DENND4A: variants seen among roughly 807,000 people sequenced by gnomAD.
DENND4A encodes the protein C-myc promoter-binding protein.
In DENND4A, 70 loss-of-function variants were observed where a neutral mutation model predicts 199.3. The observed-to-expected ratio is 0.35, with a 90% CI of 0.29 to 0.43. The LOEUF (loss-of-function observed/expected upper bound fraction) is 0.43, where lower values mean the gene tolerates loss of function less well. Among genes scored for constraint, DENND4A ranks in the 20% least tolerant of loss-of-function variants. DENND4A has a pLI of 1.00. For missense variants in DENND4A, 1,723 were observed against 2,255.8 expected, an observed-to-expected ratio of 0.76 and a Z score of 4.78; for synonymous variants, 686 against 766.9, an observed-to-expected ratio of 0.89 and a Z score of 1.74.
At chr15:65,700,275 T>C (rs2074819455) in intron 20 of DENND4A, among the ~76,000 whole-genome samples, 1 of 152,084 alleles carries the variant, frequency 6.6e-6, no homozygotes, top group Admixed American at 6.5e-5. Context: ...AACAGATCTA[T>C]GTCTACGCAG....
At chr15:65,688,468 TC>T (rs1487119022) in intron 23 of DENND4A, among the ~76,000 whole-genome samples, 26 of 152,258 alleles carry the variant, frequency 1.7e-4, no homozygotes, top group Admixed American at 1.6e-3. Flanking sequence ...TTATAATACT[TC>T]CGAGATTGTT....
At chr15:65,702,775 T>C (rs2074920289) in intron 16 of DENND4A, 98 bp downstream of exon 16, 3 of 1,164,994 alleles carry the variant, frequency 2.6e-6, no homozygotes, top group Non-Finnish European at 2.5e-6. Context: ...AATCTAGTAA[T>C]AGTTATATAT....
intron 1 of DENND4A, among the ~76,000 whole-genome samples, chr15:65,773,693 C>T (rs1474645603): frequency 2.0e-5 from 3 of 152,142 alleles, no homozygotes; most frequent in African/African-American, 7.2e-5. Context: ...ATAACAGTGA[C>T]AAAAGGAAGA....
intron 14 of DENND4A, chr15:65,715,233 T>G (rs2075363516): frequency 3.1e-6 from 1 of 322,296 alleles, no homozygotes; most frequent in South Asian, 4.5e-5. Context: ...CAGGGAGGGT[T>G]AGGACTTGAT....
At chr15:65,670,625 T>G (rs1399264858) in intron 25 of DENND4A, among the ~76,000 whole-genome samples, 1 of 152,226 alleles carries the variant, frequency 6.6e-6, no homozygotes, top group African/African-American at 2.4e-5. Flanking sequence ...TTTAAAGTAC[T>G]GTGATATTGC....
rs374448994 is a variant in DENND4A, at chr15:65,716,852, A to G, written c.1807+926T>C. On this transcript the variant is annotated intron_variant, in intron 13 of 32. Coordinates refer to ENST00000443035, the MANE Select transcript of DENND4A (RefSeq NM_001320835.1). ...TTCCACAATGGTTGAACTAGTTTAC[A>G]GTCCCACCAACAGTGTAAAAGTGTT... is the stretch of plus-strand genomic sequence containing the variant. Among the ~76,000 whole-genome samples the G allele has an allele frequency of 7.1e-4, 108 of 152,176 alleles. 3 individuals carry two copies. In the East Asian group the frequency reaches 0.018, roughly 26 times the overall value.
At chr15:65,682,857 G>T (rs1178772951) in intron 23 of DENND4A, among the ~76,000 whole-genome samples, 2 of 152,178 alleles carry the variant, frequency 1.3e-5, no homozygotes, top group African/African-American at 4.8e-5. Context: ...TGAGGAGAGG[G>T]AGAGAGTCAG....
At position 65,705,051 on chromosome 15, in the gene DENND4A, C is replaced by A. The variant is rs376601497; in HGVS notation, c.2087+1040G>T. Among the ~76,000 whole-genome samples, 5 of 151,922 alleles carry A rather than the reference C, an allele frequency of 3.3e-5. No homozygotes were observed. In the East Asian group the frequency reaches 9.6e-4, roughly 29 times the overall value. On this transcript the variant is annotated intron_variant, in intron 15 of 32. Transcript: ENST00000443035. ...AAAAATGAGAACTTGTTTAGAAAGACAAAGAGAGGAAGAGAGAAATTAAGA... is the reference window on the plus strand; with the variant it reads ...AAAAATGAGAACTTGTTTAGAAAGAAAAAGAGAGGAAGAGAGAAATTAAGA...
intron 32 of DENND4A, among the ~76,000 whole-genome samples, chr15:65,663,204 T>TA (rs1292965864): frequency 3.5e-5 from 5 of 143,994 alleles, no homozygotes; most frequent in African/African-American, 1.0e-4. Flanking sequence ...ATATATTTTT[T>TA]TTTTTTTATT....
chr15:65,776,692 C>T (rs998163168), intron 1 of DENND4A, among the ~76,000 whole-genome samples: 3 of 152,172 alleles, frequency 2.0e-5, no homozygotes, highest in Non-Finnish European at 4.4e-5. Flanking sequence ...GAGATACCTG[C>T]CTCAGACTCA....
chr15:65,752,013 G>A (rs2076575042), intron 4 of DENND4A, among the ~76,000 whole-genome samples: 1 of 151,040 alleles, frequency 6.6e-6, no homozygotes, highest in South Asian at 2.1e-4. Context: ...AAAAAAGTAG[G>A]GAGGACTGCT....
intron 24 of DENND4A, among the ~76,000 whole-genome samples, chr15:65,672,193 T>C (rs776782932): frequency 2.0e-5 from 3 of 152,232 alleles, no homozygotes; most frequent in Non-Finnish European, 2.9e-5. Context: ...TTAGTAATTA[T>C]TGTGCTGTTT....
Position 65,690,675 on chromosome 15 carries a change from T to C in DENND4A, c.3919A>G (p.Thr1307Ala), listed in dbSNP as rs200302284. The change falls in exon 23 of 33, where the codon ACC (threonine) becomes GCC (alanine). Residue 1307 changes from threonine (T) to alanine (A), a missense_variant. Around this residue, in one of 6 missense-constraint regions of DENND4A, gnomAD observed 650 missense variants for 738.1 expected, o/e 0.88. Transcript: ENST00000443035. ...CTTTTTGTGTAACTTTTAGATTTGG[T>C]AAGTCTCACTGGCTTAGGAGAATTA... is the stretch of plus-strand genomic sequence containing the variant. ...PPNSPKPVRL[T>A]KSKSYTKSEE... is the part of the protein sequence containing the mutation. 1.1e-4 allele frequency: 182 copies of C among 1,613,754 alleles called. No individual in the cohort carries two copies. In the African/African-American group the frequency reaches 2.2e-3, roughly 19 times the overall value.
intron 1 of DENND4A, among the ~76,000 whole-genome samples, chr15:65,766,158 G>C (rs1007573630): frequency 6.6e-6 from 1 of 151,198 alleles, no homozygotes; most frequent in Non-Finnish European, 1.5e-5. Context: ...GGCTGAGGCA[G>C]GAGAATCACT....
At position 65,706,224 on chromosome 15, in the gene DENND4A, C is replaced by T; in HGVS notation, c.1954G>A (p.Val652Met). 1 of 1,532,264 alleles carries T rather than the reference C, an allele frequency of 6.5e-7. No homozygotes were observed. The highest frequency in any genetic ancestry group is 1.4e-5 in the African/African-American group (1 of 71,820). 94.9% of individuals were successfully genotyped at this position (1,532,264 alleles called of 1,614,324 possible). A position where few individuals can be genotyped will look rare whatever the true frequency, so the allele number is the denominator to read the frequency against. Residue 652 changes from valine (V) to methionine (M), a missense_variant and splice_region_variant, in exon 15 of 33, where the codon GTG becomes ATG. Val to Met is a conservative substitution (Grantham distance 21, BLOSUM62 1). Coordinates refer to ENST00000443035, the MANE Select transcript of DENND4A (RefSeq NM_001320835.1). ...LAFFDDCVDK[V>M]DMDKSGEVRL... ...ACTTCACCGCTCTTGTCCATATCCA[C>T]CTAAAGGAGTTTTAAAAACATATAT...
intron 2 of DENND4A, among the ~76,000 whole-genome samples, chr15:65,760,581 C>T (rs544448780): frequency 1.3e-5 from 2 of 151,890 alleles, no homozygotes; most frequent in East Asian, 2.0e-4. Context: ...AGTTTTATGT[C>T]TTGCTACGTA....
At chr15:65,729,801 A>T in intron 9 of DENND4A, 123 bp from the exon 10 acceptor site, 2 of 858,648 alleles carry the variant, frequency 2.3e-6, no homozygotes. Context: ...ATTAGGGTAC[A>T]ATTTGTATTA....
intron 12 of DENND4A, 63 bp from the exon 13 acceptor site, chr15:65,718,059 T>C: frequency 8.1e-7 from 1 of 1,241,482 alleles, no homozygotes; most frequent in East Asian, 2.6e-5. Context: ...ATGGTACCAA[T>C]ATAATTTTGT....
chr15:65,670,744 T>C (rs1276607587), intron 25 of DENND4A, among the ~76,000 whole-genome samples: 1 of 152,164 alleles, frequency 6.6e-6, no homozygotes, highest in Non-Finnish European at 1.5e-5. Flanking sequence ...CAAAAGACAG[T>C]TTAATAAGCA....
Sources: gnomAD v4.1 joint callset for allele counts (sites outside exome capture counted in the v4.1 genomes callset) on GRCh38, gnomAD v4.1.1 for gene constraint, gnomAD v4.1.1 regional missense constraint, MANE v1.5 for transcripts, NCBI Gene and HGNC (gene_info 2026-07-23, HGNC 2026-07-21) for gene names.